The following ANTXR1 variants were observed in gnomAD, a reference collection of about 807,000 sequenced individuals.
The protein encoded by ANTXR1 is anthrax toxin receptor 1.
ANTXR1 carries 19 observed loss-of-function variants against 78.1 expected under a neutral mutation model. That is an observed-to-expected ratio of 0.24 (90% CI 0.17 to 0.36). The LOEUF is 0.36. Among genes scored for constraint, ANTXR1 ranks in the 10% least tolerant of loss-of-function variants. ANTXR1 has a pLI of 1.00. For missense variants in ANTXR1, 518 were observed against 718.6 expected, an observed-to-expected ratio of 0.72 and a Z score of 3.19; for synonymous variants, 273 against 260.5, an observed-to-expected ratio of 1.05 and a Z score of -0.46.
At chr2:69,114,219 A>G (rs1374107742) in intron 10 of ANTXR1, among the ~76,000 whole-genome samples, 3 of 152,232 alleles carry the variant, frequency 2.0e-5, no homozygotes, top group Non-Finnish European at 4.4e-5. Flanking sequence ...TCTTTTTTAT[A>G]TACTTCTCTG....
chr2:69,168,485 G>C (rs916223797), intron 13 of ANTXR1, among the ~76,000 whole-genome samples: 1 of 152,082 alleles, frequency 6.6e-6, no homozygotes, highest in Admixed American at 6.6e-5. Flanking sequence ...GGAGACAAAA[G>C]CCCTCTGCTC....
chr2:69,237,883 T>C (rs945300809), intron 17 of ANTXR1, among the ~76,000 whole-genome samples: 2 of 152,210 alleles, frequency 1.3e-5, no homozygotes, highest in Non-Finnish European at 2.9e-5. Flanking sequence ...CACACGTGTA[T>C]GAATTTTACA....
At chr2:69,075,724 G>A in intron 7 of ANTXR1, 66 bp downstream of exon 7, 3 of 1,428,142 alleles carry the variant, frequency 2.1e-6, no homozygotes, top group Non-Finnish European at 3.0e-6. Flanking sequence ...AACATGTTCA[G>A]TCAGTGCAGA....
chr2:69,167,338 T>C (rs1327655394), intron 13 of ANTXR1, among the ~76,000 whole-genome samples: 1 of 152,218 alleles, frequency 6.6e-6, no homozygotes, highest in Non-Finnish European at 1.5e-5. Flanking sequence ...CGTGTTGCCA[T>C]GGTGCCGCAG....
chr2:69,163,150 G>A (rs540206011), intron 13 of ANTXR1, among the ~76,000 whole-genome samples: 15 of 152,028 alleles, frequency 9.9e-5, no homozygotes, highest in African/African-American at 2.9e-4. Flanking sequence ...ATGCAGCACC[G>A]TGGCTTTGAG....
intron 10 of ANTXR1, among the ~76,000 whole-genome samples, chr2:69,108,389 C>T (rs1214865706): frequency 6.6e-6 from 1 of 152,164 alleles, no homozygotes; most frequent in African/African-American, 2.4e-5. Context: ...TTATAACAAT[C>T]AGTAGCTTTG....
chr2:69,024,462 G>A (rs1275279509), intron 1 of ANTXR1, among the ~76,000 whole-genome samples: 1 of 152,192 alleles, frequency 6.6e-6, no homozygotes, highest in Non-Finnish European at 1.5e-5. Context: ...AACAGGAATT[G>A]TCTGGGCAAG....
rs545340630 is a variant in ANTXR1, at chr2:69,144,685, CCTA to C, written c.952-7480_952-7478del. Among the ~76,000 whole-genome samples, 413 of 152,328 alleles carry C rather than the reference CCTA, an allele frequency of 2.7e-3. 1 individual carries two copies. The highest frequency in any genetic ancestry group is 9.5e-3 in the African/African-American group (393 of 41,576). ...TATCTCTTCATTGTGGCAGAATCAACCTACTAATTCATTCTTTCATGTTAAATG... is the reference window on the plus strand; with the variant it reads ...TATCTCTTCATTGTGGCAGAATCAACCTAATTCATTCTTTCATGTTAAATG... On this transcript the variant is annotated intron_variant, in intron 12 of 17. Coordinates refer to ENST00000303714, the MANE Select transcript of ANTXR1 (RefSeq NM_032208.3).
At chr2:69,179,781 T>G (rs1674228822) in intron 14 of ANTXR1, among the ~76,000 whole-genome samples, 1 of 152,230 alleles carries the variant, frequency 6.6e-6, no homozygotes, top group African/African-American at 2.4e-5. Context: ...ACCATGTACC[T>G]TCCTGGGTGG....
intron 13 of ANTXR1, among the ~76,000 whole-genome samples, chr2:69,169,211 A>C (rs1005057185): frequency 1.3e-5 from 2 of 152,276 alleles, no homozygotes; most frequent in African/African-American, 4.8e-5. Context: ...GCTGTGCCCG[A>C]GCACCCAACT....
chr2:69,172,374 A>T (rs1297514251), intron 14 of ANTXR1: 6 of 1,612,828 alleles, frequency 3.7e-6, no homozygotes, highest in Non-Finnish European at 5.1e-6. Context: ...CAGGAAAATA[A>T]AATAAAATAA....
chr2:69,126,332 C>G (rs1488392817), intron 12 of ANTXR1, among the ~76,000 whole-genome samples: 1 of 152,198 alleles, frequency 6.6e-6, no homozygotes, highest in Admixed American at 6.5e-5. Context: ...AGTGTTACCA[C>G]TGAGAAATGT....
rs1674582833 is a variant in ANTXR1 at position 69,193,232 on chromosome 2, G to A, written c.1354-103G>A. ...ATCATGACCATATTGACAGTGTTGT[G>A]TTGTTCACATGACTGAAGAAGCACG... On this transcript the variant is annotated intron_variant, in intron 16 of 17. Coordinates refer to ENST00000303714, the MANE Select transcript of ANTXR1 (RefSeq NM_032208.3). The A allele has an allele frequency of 1.0e-5, 9 of 900,914 alleles. 1 individual carries two copies. Among genetic ancestry groups the A allele is most frequent in the South Asian group, 6.6e-5 (5 of 76,270 alleles). The allele number at this position is 900,914 out of a possible 1,614,324, so 55.8% of individuals were successfully genotyped here. A position where few individuals can be genotyped will look rare whatever the true frequency, so the allele number is the denominator to read the frequency against.
At chr2:69,179,467 G>A (rs759567483) in intron 14 of ANTXR1, among the ~76,000 whole-genome samples, 5 of 151,286 alleles carry the variant, frequency 3.3e-5, no homozygotes, top group African/African-American at 4.9e-5. Flanking sequence ...AGAATTGCTT[G>A]AGCTGTGGTA....
chr2:69,154,993 G>A (rs1673486784), intron 13 of ANTXR1, among the ~76,000 whole-genome samples: 1 of 152,182 alleles, frequency 6.6e-6, no homozygotes, highest in Non-Finnish European at 1.5e-5. Flanking sequence ...CACAGGGGCT[G>A]CTATCAGGCC....
rs180958278 is a variant in ANTXR1 at position 69,204,485 on chromosome 2, C to T, written c.1434+11070C>T. Among the ~76,000 whole-genome samples the T allele has an allele frequency of 2.4e-4, 36 of 152,286 alleles. No individual in the cohort carries two copies. The East Asian group carries it at 4.8e-3, about 20-fold the overall frequency. ...GGTGGTCTGGAGAGATTCCCGAGCCCTCCCAGGTCCATTATCTTATCTGTT... is the reference window on the plus strand; with the variant it reads ...GGTGGTCTGGAGAGATTCCCGAGCCTTCCCAGGTCCATTATCTTATCTGTT... On this transcript the variant is annotated intron_variant, in intron 17 of 17. Coordinates refer to ENST00000303714, the MANE Select transcript of ANTXR1 (RefSeq NM_032208.3).
At chr2:69,172,327 A>G in intron 14 of ANTXR1, 3 of 1,564,376 alleles carry the variant, frequency 1.9e-6, no homozygotes, top group Non-Finnish European at 2.6e-6. Context: ...TGGCCCTGTG[A>G]GTTAGGCCAC....
chr2:69,194,535 T>C (rs1431040888), intron 17 of ANTXR1, among the ~76,000 whole-genome samples: 5 of 152,166 alleles, frequency 3.3e-5, no homozygotes, highest in Admixed American at 6.5e-5. Context: ...TGTAAAGCAT[T>C]TGGCCCACTG....
chr2:69,138,431 A>G (rs1190282149), intron 12 of ANTXR1, among the ~76,000 whole-genome samples: 1 of 152,190 alleles, frequency 6.6e-6, no homozygotes, highest in Non-Finnish European at 1.5e-5. Flanking sequence ...TTTTCTAATC[A>G]GGATAGTATT....
Sources: allele counts gnomAD v4.1 joint callset (sites outside exome capture counted in the v4.1 genomes callset), GRCh38; gene constraint gnomAD v4.1.1; transcripts MANE v1.5; gene names NCBI Gene and HGNC (gene_info 2026-07-23, HGNC 2026-07-21).